The following RPSA variants were observed in gnomAD, a reference collection of about 807,000 sequenced individuals.
The protein encoded by RPSA is ribosomal protein SA, also known as small ribosomal subunit protein uS2.
For synonymous variants in RPSA, 103 were observed against 126.7 expected, an observed-to-expected ratio of 0.81 and a Z score of 1.25; for missense variants, 140 against 372.8, an observed-to-expected ratio of 0.38 and a Z score of 5.14.
At chr3:39,411,838 T>C (rs780045317) in intron 5 of RPSA, 58 bp from the exon 6 acceptor site, 1 of 1,599,128 alleles carries the variant, frequency 6.3e-7, no homozygotes, top group South Asian at 1.1e-5. Context: ...ACTGTGCTTC[T>C]AGGAAGCAAA....
intron 6 of RPSA, 33 bp from the exon 7 acceptor site, chr3:39,412,241 A>G: frequency 6.5e-7 from 1 of 1,533,178 alleles, no homozygotes; most frequent in East Asian, 2.2e-5. Flanking sequence ...TTGAGGACAG[A>G]GCTGATGGCT....
In RPSA at chr3:39,406,759, T is replaced by G; in HGVS notation, c.-39T>G. ...CTGCAGAGGGGTCCATACGGCGTTG[T>G]TCTGGGTGAGTTCCGTGTAGCGTCC... On this transcript the variant is annotated 5_prime_UTR_variant, in exon 1 of 7. Coordinates refer to ENST00000301821, the MANE Select transcript of RPSA (RefSeq NM_002295.6). 2.3e-6 allele frequency: 1 copy of G among 429,750 alleles called. No homozygotes were observed. The highest frequency in any genetic ancestry group is 1.7e-5 in the South Asian group (1 of 59,920). 26.6% of individuals were successfully genotyped at this position (429,750 alleles called of 1,614,324 possible). A position where few individuals can be genotyped will look rare whatever the true frequency, so the allele number is the denominator to read the frequency against.
At position 39,411,970 on chromosome 3, in the gene RPSA, C is replaced by G; in HGVS notation, c.702C>G (p.Pro234=). 1.2e-6 allele frequency: 2 copies of G among 1,601,402 alleles called. No individual in the cohort carries two copies. The highest frequency in any genetic ancestry group is 4.5e-5 in the East Asian group (2 of 44,882). The change falls in exon 6 of 7, where the codon CCC becomes CCG. Residue 234 remains proline (P), a synonymous_variant. Transcript: ENST00000301821. ...KEEFQGEWTA[P]APEFTATQPE... ...AATTTCAGGGTGAATGGACTGCTCC[C>G]GCTCCTGAGTTCACTGCTACTCAGC...
rs774713610 is a variant in RPSA, at chr3:39,407,707, C to A, written c.54C>A (p.Phe18Leu). 1.3e-6 allele frequency: 2 copies of A among 1,593,734 alleles called. No individual in the cohort carries two copies. The highest frequency in any genetic ancestry group is 1.1e-5 in the South Asian group (1 of 91,006). The change falls in exon 2 of 7, where the codon TTC becomes TTA. Residue 18 changes from phenylalanine to leucine, a missense_variant. Phe to Leu is a conservative substitution (Grantham distance 22). Transcript: ENST00000301821. ...LQMKEEDVLK[F>L]LAAGTHLGGT... ...TGAAGGAGGAGGATGTCCTTAAGTT[C>A]CTTGCAGCAGGAACCCACTTAGGTG...
At position 39,406,736 on chromosome 3, in the gene RPSA, G is replaced by T; in HGVS notation, c.-62G>T. On this transcript the variant is annotated 5_prime_UTR_variant, in exon 1 of 7. Transcript: ENST00000301821. ...GCCGCCTGTCTTTTCCGTGCTACCTGCAGAGGGGTCCATACGGCGTTGTTC... is the reference window on the plus strand; with the variant it reads ...GCCGCCTGTCTTTTCCGTGCTACCTTCAGAGGGGTCCATACGGCGTTGTTC... The T allele has an allele frequency of 2.6e-6, 1 of 391,094 alleles. No homozygotes were observed. The highest frequency in any genetic ancestry group is 1.8e-5 in the South Asian group (1 of 54,270). 24.2% of individuals were successfully genotyped at this position (391,094 alleles called of 1,614,324 possible).
chr3:39,409,840 A>AAAAG (rs2041979635), intron 3 of RPSA, among the ~76,000 whole-genome samples: 1 of 152,012 alleles, frequency 6.6e-6, no homozygotes, highest in Non-Finnish European at 1.5e-5. Flanking sequence ...GTTTCTTAAA[A>AAAAG]AAGCCAGTCA....
chr3:39,408,469 G>T (rs1559398786), intron 2 of RPSA, 137 bp from the exon 3 acceptor site: 1 of 778,436 alleles, frequency 1.3e-6, no homozygotes, highest in Non-Finnish European at 2.4e-6. Context: ...TATATCAATG[G>T]CAGGATTTTC....
chr3:39,410,365 A>G (rs974812732), intron 3 of RPSA: 2 of 249,748 alleles, frequency 8.0e-6, no homozygotes, highest in African/African-American at 4.4e-5. Context: ...ACGGGTTCCC[A>G]TGTGTGTTTT....
At chr3:39,411,051 T>A (rs372588103) in intron 4 of RPSA, 52 bp downstream of exon 4, 48 of 1,590,812 alleles carry the variant, frequency 3.0e-5, no homozygotes, top group Non-Finnish European at 3.9e-5. Flanking sequence ...GAAAAAACAT[T>A]CCTGTGCACA....
intron 1 of RPSA, 145 bp from the exon 2 acceptor site, chr3:39,407,476 G>A: frequency 1.4e-6 from 1 of 715,816 alleles, no homozygotes; most frequent in Non-Finnish European, 2.5e-6. Context: ...TACACGACAT[G>A]TATGGGTTAA....
At position 39,412,364 on chromosome 3, in the gene RPSA, C is replaced by T. The variant is rs778669813; in HGVS notation, c.884C>T (p.Ser295Phe). ...TGGGTAGGAGCAACCACTGACTGGT[C>T]TTAAGCTGTTCTTGCATAGGCTCTT... ...TEWVGATTDW[S>F] The change falls in exon 7 of 7, where the codon TCT (serine) becomes TTT (phenylalanine). Residue 295 changes from serine (S) to phenylalanine (F), a missense_variant. By Grantham distance (155) the Ser-to-Phe change is radical. Coordinates refer to ENST00000301821, the MANE Select transcript of RPSA (RefSeq NM_002295.6). 1 of 1,424,118 alleles carries T rather than the reference C, an allele frequency of 7.0e-7. No individual in the cohort carries two copies. The highest frequency in any genetic ancestry group is 9.9e-7 in the Non-Finnish European group (1 of 1,013,764). The allele number at this position is 1,424,118 out of a possible 1,614,324, so 88.2% of individuals were successfully genotyped here. A position where few individuals can be genotyped will look rare whatever the true frequency, so the allele number is the denominator to read the frequency against.
intron 2 of RPSA, chr3:39,408,183 C>T (rs2041949128): frequency 2.7e-6 from 1 of 370,064 alleles, no homozygotes; most frequent in African/African-American, 2.1e-5. Flanking sequence ...ATTAAGTTGG[C>T]TAAGGCACTT....
intron 1 of RPSA, chr3:39,406,991 G>T (rs1404108700): frequency 6.6e-6 from 3 of 452,174 alleles, no homozygotes; most frequent in African/African-American, 6.0e-5. Context: ...CGGAGGCTCC[G>T]AGCTGGGGTT....
chr3:39,409,538 A>C (rs994405684), intron 3 of RPSA, among the ~76,000 whole-genome samples: 4 of 152,248 alleles, frequency 2.6e-5, no homozygotes, highest in African/African-American at 9.6e-5. Context: ...GGCATCTGGC[A>C]GTATGTTGAA....
At chr3:39,408,881 G>C (rs776509476) in intron 3 of RPSA, 157 bp downstream of exon 3, 3 of 561,274 alleles carry the variant, frequency 5.3e-6, no homozygotes, top group South Asian at 2.3e-5. Flanking sequence ...GGCGTATTAC[G>C]AGGTCAGGAG....
Position 39,407,663 on chromosome 3 carries a change from G to A in RPSA, c.10G>A (p.Ala4Thr), listed in dbSNP as rs1330548993. 6.3e-7 allele frequency: 1 copy of A among 1,596,266 alleles called. No individual in the cohort carries two copies. The highest frequency in any genetic ancestry group is 8.5e-7 in the Non-Finnish European group (1 of 1,177,946). MSG[A>T]LDVLQMKEED... is the part of the protein sequence containing the mutation. ...AAGGGAAATTTTCACAATGTCCGGA[G>A]CCCTTGATGTCCTGCAAATGAAGGA... The change falls in exon 2 of 7, where the codon GCC becomes ACC. Residue 4 changes from alanine (A) to threonine (T), a missense_variant. By Grantham distance (58) the Ala-to-Thr change is moderately conservative. Coordinates refer to ENST00000301821, the MANE Select transcript of RPSA (RefSeq NM_002295.6).
intron 3 of RPSA, 195 bp from the exon 4 acceptor site, chr3:39,410,559 A>AT (rs2041991582): frequency 1.6e-6 from 1 of 632,670 alleles, no homozygotes; most frequent in African/African-American, 1.8e-5. Flanking sequence ...GATATATAGT[A>AT]GAAAAACAAG....
chr3:39,411,235 A>G (rs2042001646), intron 4 of RPSA: 2 of 731,138 alleles, frequency 2.7e-6, no homozygotes, highest in Admixed American at 1.7e-5. Context: ...AGCTTTGTGG[A>G]GAAATGAAAA....
intron 3 of RPSA, among the ~76,000 whole-genome samples, chr3:39,409,563 T>A (rs1460204244): frequency 6.6e-6 from 1 of 152,200 alleles, no homozygotes; most frequent in African/African-American, 2.4e-5. Flanking sequence ...ATAATTTCAT[T>A]TTGTGTAGAC....
Sources: allele counts gnomAD v4.1 joint callset (sites outside exome capture counted in the v4.1 genomes callset), GRCh38; gene constraint gnomAD v4.1.1; transcripts MANE v1.5; gene names NCBI Gene and HGNC (gene_info 2026-07-23, HGNC 2026-07-21).